Variants in KCNH8 observed in about 807,000 individuals in gnomAD.
KCNH8 encodes potassium voltage-gated channel subfamily H member 8, also known as voltage-gated delayed rectifier potassium channel KCNH8.
A neutral mutation model predicts 103.6 loss-of-function variants in KCNH8; 70 were observed. That is an observed-to-expected ratio of 0.68 (90% confidence interval 0.56 to 0.82). The LOEUF (loss-of-function observed/expected upper bound fraction) is 0.82. Among genes scored for constraint, KCNH8 ranks in the 40% least tolerant of loss-of-function variants. The pLI is 0.00. For synonymous variants in KCNH8, 498 were observed against 489.4 expected (o/e 1.02, Z -0.23); for missense variants, 1,217 against 1,329.9 (o/e 0.92, Z 1.32).
rs376300619 is a variant in KCNH8, at chr3:19,441,561, G to A, written c.1375+3200G>A. Among the ~76,000 whole-genome samples, 3 of 152,136 alleles carry A rather than the reference G, an allele frequency of 2.0e-5. No individual in the cohort carries two copies. The East Asian group carries it at 5.8e-4, about 29-fold the overall frequency. ...GTAAAGATGCAAGGTTTGAACCCAG[G>A]TGCATACTTACTTCTCTCCTTAAAT... On this transcript the variant is annotated intron_variant, in intron 8 of 15. Coordinates refer to ENST00000328405, the MANE Select transcript of KCNH8 (RefSeq NM_144633.3).
intron 11 of KCNH8, among the ~76,000 whole-genome samples, chr3:19,499,132 A>G (rs2068516652): frequency 6.6e-6 from 1 of 152,252 alleles, no homozygotes; most frequent in Non-Finnish European, 1.5e-5. Flanking sequence ...CTCGAGAACT[A>G]CGTGAGGAAT....
At chr3:19,167,796 AG>A in intron 1 of KCNH8, among the ~76,000 whole-genome samples, 1 of 152,318 alleles carries the variant, frequency 6.6e-6, no homozygotes, top group Non-Finnish European at 1.5e-5. Context: ...TATCACAACC[AG>A]AAATTTAACA....
intron 11 of KCNH8, among the ~76,000 whole-genome samples, chr3:19,506,437 T>C (rs2068694462): frequency 6.6e-6 from 1 of 152,196 alleles, no homozygotes; most frequent in Non-Finnish European, 1.5e-5. Context: ...AAAGTATTTT[T>C]GCTGTTGAAG....
chr3:19,301,340 A>G (rs1277578307), intron 3 of KCNH8, among the ~76,000 whole-genome samples: 2 of 148,580 alleles, frequency 1.3e-5, no homozygotes, highest in African/African-American at 4.9e-5. Context: ...GAAAATACAA[A>G]TATATATAAT....
intron 1 of KCNH8, among the ~76,000 whole-genome samples, chr3:19,209,328 C>T (rs1358370107): frequency 2.0e-5 from 3 of 152,042 alleles, no homozygotes; most frequent in Non-Finnish European, 4.4e-5. Flanking sequence ...ATCACTAAAA[C>T]ATGCTTTTCT....
At chr3:19,268,099 T>G (rs934110556) in intron 2 of KCNH8, among the ~76,000 whole-genome samples, 1 of 152,136 alleles carries the variant, frequency 6.6e-6, no homozygotes, top group African/African-American at 2.4e-5. Context: ...TCAGTCCTTC[T>G]GTTTTGCACG....
intron 8 of KCNH8, among the ~76,000 whole-genome samples, chr3:19,449,904 A>G (rs2067420237): frequency 1.3e-5 from 2 of 152,134 alleles, no homozygotes; most frequent in South Asian, 4.1e-4. Context: ...ATCAAGCCAT[A>G]TGGAATCAAA....
chr3:19,312,465 A>C (rs1323684519), intron 3 of KCNH8, among the ~76,000 whole-genome samples: 4 of 151,880 alleles, frequency 2.6e-5, no homozygotes, highest in Non-Finnish European at 4.4e-5. Context: ...CTTGGGCTTG[A>C]GTTTCCTCGT....
At position 19,508,367 on chromosome 3, in the gene KCNH8, T is replaced by C. The variant is rs6781577; in HGVS notation, c.2041-1996T>C. ...ATATTGCATGCCAAACACTTAAATATAGTATTGCATTTAACCTTAATAACA... is the reference window on the plus strand; with the variant it reads ...ATATTGCATGCCAAACACTTAAATACAGTATTGCATTTAACCTTAATAACA... On this transcript the variant is annotated intron_variant, in intron 11 of 15. Coordinates refer to ENST00000328405, the MANE Select transcript of KCNH8 (RefSeq NM_144633.3). Among the ~76,000 whole-genome samples the C allele has an allele frequency of 7.3e-3, 1,104 of 152,268 alleles. 8 individuals carry two copies. The highest frequency in any genetic ancestry group is 0.019 in the South Asian group (94 of 4,822).
At chr3:19,230,558 T>A (rs2063982385) in intron 1 of KCNH8, among the ~76,000 whole-genome samples, 1 of 152,162 alleles carries the variant, frequency 6.6e-6, no homozygotes, top group South Asian at 2.1e-4. Flanking sequence ...TGATAAATGG[T>A]TATAGGGAAA....
intron 5 of KCNH8, among the ~76,000 whole-genome samples, chr3:19,376,341 G>C (rs928211786): frequency 6.6e-6 from 1 of 152,174 alleles, no homozygotes; most frequent in Non-Finnish European, 1.5e-5. Context: ...CGCAGTATTC[G>C]GGTAGGAGTG....
intron 11 of KCNH8, among the ~76,000 whole-genome samples, chr3:19,485,671 A>G (rs1277104693): frequency 2.0e-5 from 3 of 152,134 alleles, no homozygotes; most frequent in African/African-American, 7.2e-5. Flanking sequence ...GGTAGGTACC[A>G]GGTCAGGTGT....
intron 1 of KCNH8, among the ~76,000 whole-genome samples, chr3:19,170,532 C>G (rs960771532): frequency 6.7e-6 from 1 of 149,158 alleles, no homozygotes; most frequent in African/African-American, 2.5e-5. Flanking sequence ...TAAGGATGTT[C>G]CAACTTCAAT....
intron 1 of KCNH8, among the ~76,000 whole-genome samples, chr3:19,236,836 A>G (rs945068818): frequency 1.2e-4 from 18 of 152,250 alleles, no homozygotes; most frequent in African/African-American, 3.9e-4. Context: ...CTAGGTTTCA[A>G]CATCCTATGT....
chr3:19,177,100 C>A (rs546497949), intron 1 of KCNH8, among the ~76,000 whole-genome samples: 2 of 152,190 alleles, frequency 1.3e-5, no homozygotes, highest in East Asian at 3.9e-4. Context: ...CAGCATTATA[C>A]TTCTGAGCCA....
At chr3:19,181,224 G>A (rs960101888) in intron 1 of KCNH8, among the ~76,000 whole-genome samples, 1 of 152,156 alleles carries the variant, frequency 6.6e-6, no homozygotes, top group Non-Finnish European at 1.5e-5. Context: ...GGAAAATTGA[G>A]CCCAGAAGGA....
intron 2 of KCNH8, among the ~76,000 whole-genome samples, chr3:19,267,205 G>A (rs1559450718): frequency 6.6e-6 from 1 of 152,094 alleles, no homozygotes; most frequent in Non-Finnish European, 1.5e-5. Flanking sequence ...ATGCTGGCAA[G>A]AAAAGGCCAG....
intron 3 of KCNH8, among the ~76,000 whole-genome samples, chr3:19,302,602 T>C (rs749296253): frequency 6.6e-6 from 1 of 152,198 alleles, no homozygotes; most frequent in Non-Finnish European, 1.5e-5. Flanking sequence ...AAAAAGCACT[T>C]AGGAAGGTGT....
intron 15 of KCNH8, among the ~76,000 whole-genome samples, chr3:19,529,838 G>A (rs2069130058): frequency 6.6e-6 from 1 of 152,256 alleles, no homozygotes; most frequent in East Asian, 1.9e-4. Flanking sequence ...GAGACACAGT[G>A]ACAGGAATCT....
Sources: allele counts gnomAD v4.1 joint callset (sites outside exome capture counted in the v4.1 genomes callset), GRCh38; gene constraint gnomAD v4.1.1; transcripts MANE v1.5; gene names NCBI Gene and HGNC (gene_info 2026-07-23, HGNC 2026-07-21).